Variants in SLC4A7 observed in about 807,000 individuals in gnomAD.
SLC4A7 encodes the protein sodium bicarbonate cotransporter 3.
SLC4A7 carries 51 observed loss-of-function variants against 137.6 expected under a neutral mutation model. The ratio of observed to expected loss-of-function variants is 0.37; its 90% confidence interval spans 0.30 to 0.47. The LOEUF (loss-of-function observed/expected upper bound fraction) is 0.47, where lower values mean the gene tolerates loss of function less well. SLC4A7 is among the 20% of genes least tolerant of loss of function. The pLI, the probability that SLC4A7 is intolerant of heterozygous loss-of-function variation, is 1.00. For missense variants in SLC4A7, 1,247 were observed against 1,525.4 expected (o/e 0.82, Z 3.04); for synonymous variants, 542 against 518.6 (o/e 1.05, Z -0.61).
In SLC4A7 at chr3:27,436,562, G is replaced by T; in HGVS notation, c.429-14C>A. 1 of 1,534,598 alleles carries T rather than the reference G, an allele frequency of 6.5e-7. No individual in the cohort carries two copies. The highest frequency in any genetic ancestry group is 8.9e-7 in the Non-Finnish European group (1 of 1,122,478). On this transcript the variant is annotated splice_polypyrimidine_tract_variant and intron_variant, in intron 4 of 25. Transcript: ENST00000454389. ...AATTTCAGCCATCTGAATGCATAAT[G>T]TATAAAAATATTTTATAAGTAATGA...
chr3:27,480,845 T>C (rs1487697456), intron 1 of SLC4A7, among the ~76,000 whole-genome samples: 1 of 152,154 alleles, frequency 6.6e-6, no homozygotes, highest in Non-Finnish European at 1.5e-5. Flanking sequence ...CACTCACAAA[T>C]GGAAAGCAGA....
chr3:27,480,911 C>T (rs1436850999), intron 1 of SLC4A7, among the ~76,000 whole-genome samples: 2 of 152,124 alleles, frequency 1.3e-5, no homozygotes, highest in Admixed American at 6.5e-5. Flanking sequence ...TCAGCGAAGG[C>T]AGTATGCTGT....
chr3:27,411,596 T>A, intron 12 of SLC4A7, 46 bp downstream of exon 12: 1 of 986,650 alleles, frequency 1.0e-6, no homozygotes, highest in Non-Finnish European at 1.4e-6. Flanking sequence ...TATGTTTTCA[T>A]CAAATCATCC....
In SLC4A7 at chr3:27,394,962, T is replaced by G; in HGVS notation, c.2857A>C (p.Lys953Gln). The change falls in exon 19 of 26, where the codon AAA (lysine) becomes CAA (glutamine). Residue 953 changes from lysine to glutamine, a missense_variant. Lys to Gln is a moderately conservative substitution (Grantham distance 53, BLOSUM62 1). Around this residue, in one of 6 missense-constraint regions of SLC4A7, gnomAD observed 48 missense variants for 97.2 expected, o/e 0.49. Transcript: ENST00000454389. ...CAAAATTCTAAAATTACCTTCAATT[T>G]GTGTTCCTTTCTGTTTATAATTACA... ...TAVIINRKEH[K>Q]LKKGAGYHLD... 6.3e-7 allele frequency: 1 copy of G among 1,593,198 alleles called. No homozygotes were observed. Among genetic ancestry groups the G allele is most frequent in the South Asian group, 1.2e-5 (1 of 86,280 alleles).
intron 1 of SLC4A7, among the ~76,000 whole-genome samples, chr3:27,468,518 T>A (rs1242187372): frequency 6.6e-6 from 1 of 152,120 alleles, no homozygotes; most frequent in Admixed American, 6.6e-5. Flanking sequence ...TGCACTGTGC[T>A]ATGAAGCCAC....
intron 11 of SLC4A7, among the ~76,000 whole-genome samples, chr3:27,415,727 T>A (rs1449703298): frequency 6.6e-6 from 1 of 152,240 alleles, no homozygotes; most frequent in East Asian, 1.9e-4. Context: ...GCTTTTCTTT[T>A]GCTTTATGTT....
chr3:27,445,355 C>A (rs1026721130), intron 3 of SLC4A7, among the ~76,000 whole-genome samples: 1 of 152,102 alleles, frequency 6.6e-6, no homozygotes, highest in Non-Finnish European at 1.5e-5. Flanking sequence ...CAACTCTAGG[C>A]TCTGTTTGGG....
intron 1 of SLC4A7, among the ~76,000 whole-genome samples, chr3:27,458,611 C>A (rs2058534064): frequency 6.6e-6 from 1 of 152,134 alleles, no homozygotes; most frequent in East Asian, 1.9e-4. Context: ...GAATCAAATA[C>A]AAGAATAAGA....
At chr3:27,398,427 A>G in intron 16 of SLC4A7, 74 bp from the exon 17 acceptor site, 1 of 1,300,358 alleles carries the variant, frequency 7.7e-7, no homozygotes, top group Non-Finnish European at 1.1e-6. Context: ...AGCTTCATTG[A>G]CTCGTAAGAT....
intron 3 of SLC4A7, among the ~76,000 whole-genome samples, chr3:27,447,007 C>T (rs1445584377): frequency 6.6e-6 from 1 of 150,810 alleles, no homozygotes; most frequent in Admixed American, 6.6e-5. Flanking sequence ...CTCAGCCTCC[C>T]AAATAGGTGG....
At chr3:27,388,900 T>G (rs1222403366) in intron 22 of SLC4A7, among the ~76,000 whole-genome samples, 1 of 117,762 alleles carries the variant, frequency 8.5e-6, no homozygotes, top group East Asian at 1.9e-4. Flanking sequence ...TATCTGGCCC[T>G]TTACAGAAAA....
At position 27,433,929 on chromosome 3, in the gene SLC4A7, CAAGT is replaced by C; in HGVS notation, c.761_764del (p.His254ArgfsTer27). 1 of 1,613,500 alleles carries C rather than the reference CAAGT, an allele frequency of 6.2e-7. No homozygotes were observed. The highest frequency in any genetic ancestry group is 1.1e-5 in the South Asian group (1 of 90,992). ...AACTTATCTCACCATTCCTTTCAAG[CAAGT>C]GAGGGTCAGAATGTTTCTTGCCTAT... On this transcript the variant is annotated frameshift_variant, in exon 6 of 26. Transcript: ENST00000454389. LOFTEE classifies it high-confidence loss of function.
chr3:27,439,317 A>G (rs2057008671), intron 3 of SLC4A7, among the ~76,000 whole-genome samples: 1 of 152,204 alleles, frequency 6.6e-6, no homozygotes, highest in African/African-American at 2.4e-5. Context: ...GAGGAGAAGC[A>G]TATAAAAAAC....
Position 27,404,830 on chromosome 3 carries a change from C to A in SLC4A7, c.2075G>T (p.Arg692Ile), listed in dbSNP as rs1358730779. The A allele has an allele frequency of 1.3e-6, 2 of 1,598,386 alleles. No individual in the cohort carries two copies. Among genetic ancestry groups the A allele is most frequent in the African/African-American group, 1.3e-5 (1 of 74,088 alleles). The change falls in exon 14 of 26, where the codon AGA becomes ATA. Residue 692 changes from arginine to isoleucine, a missense_variant and splice_region_variant. By Grantham distance (97) the Arg-to-Ile change is moderately conservative. Transcript: ENST00000454389. ...ATAAGTAGAGAGGGCTATTACTTAC[C>A]TGCAGAATTTATATAAAATTTTTTC... The part of the protein sequence containing the change: ...VFEKILYKFC[R>I]DYQLSYLSLR...
intron 3 of SLC4A7, among the ~76,000 whole-genome samples, chr3:27,445,426 G>C (rs1380970055): frequency 6.6e-6 from 1 of 152,052 alleles, no homozygotes; most frequent in African/African-American, 2.4e-5. Flanking sequence ...GGTCATCATA[G>C]GTATTCTCTC....
At chr3:27,405,622 T>C (rs1250255475) in intron 13 of SLC4A7, among the ~76,000 whole-genome samples, 1 of 152,202 alleles carries the variant, frequency 6.6e-6, no homozygotes, top group Non-Finnish European at 1.5e-5. Flanking sequence ...ATCTTTCGAA[T>C]AGGTGATAAA....
At chr3:27,420,647 A>G in intron 10 of SLC4A7, 53 bp downstream of exon 10, 5 of 1,107,908 alleles carry the variant, frequency 4.5e-6, no homozygotes, top group Non-Finnish European at 6.9e-6. Flanking sequence ...AATATATACT[A>G]TATGCTGCAT....
intron 1 of SLC4A7, among the ~76,000 whole-genome samples, chr3:27,465,416 T>C (rs2058932286): frequency 6.7e-6 from 1 of 149,008 alleles, no homozygotes; most frequent in Non-Finnish European, 1.5e-5. Flanking sequence ...CTACAGAAGA[T>C]GGTTCAAAAT....
At chr3:27,409,270 TA>T in intron 13 of SLC4A7, 85 bp downstream of exon 13, 1 of 1,076,912 alleles carries the variant, frequency 9.3e-7, no homozygotes, top group Non-Finnish European at 1.3e-6. Context: ...ACTCTTCAAA[TA>T]AAAGTATGAA....
Sources: allele counts gnomAD v4.1 joint callset (sites outside exome capture counted in the v4.1 genomes callset), GRCh38; gene constraint gnomAD v4.1.1; regional missense constraint gnomAD v4.1.1; transcripts MANE v1.5; gene names NCBI Gene and HGNC (gene_info 2026-07-23, HGNC 2026-07-21).